FNBP1: variants seen among roughly 807,000 people sequenced by gnomAD.
FNBP1 encodes formin-binding protein 1.
In FNBP1, 26 loss-of-function variants were observed where a neutral mutation model predicts 90.6. That is an observed-to-expected ratio of 0.29 (90% CI 0.21 to 0.40). The LOEUF is 0.40. Ranked by LOEUF, FNBP1 falls within the 10% of genes least tolerant of loss-of-function variation. The probability of loss-of-function intolerance (pLI) is 1.00; values close to 1 mark genes in which losing one functional copy is unlikely to be tolerated. For synonymous variants in FNBP1, 260 were observed against 265.2 expected (o/e 0.98, Z 0.19); for missense variants, 635 against 768.0 (o/e 0.83, Z 2.05).
intron 1 of FNBP1, among the ~76,000 whole-genome samples, chr9:130,033,532 C>T (rs1033447216): frequency 3.9e-5 from 6 of 152,124 alleles, no homozygotes; most frequent in African/African-American, 1.4e-4. Context: ...CCTGAAGACT[C>T]AAAACTTTAA....
intron 16 of FNBP1, among the ~76,000 whole-genome samples, chr9:129,891,764 A>AT (rs201373121): frequency 0.018 from 2,757 of 152,274 alleles, 45 homozygotes; most frequent in Non-Finnish European, 0.027. Flanking sequence ...GGGAGGCAGA[A>AT]TTTTTAAAAA....
rs912869100 is a variant in FNBP1, at chr9:130,031,826, T to C, written c.24+11126A>G. The stretch of plus-strand genomic sequence containing the variant: ...ACAGGCGAGCGCCATCATGCCTGGC[T>C]AAGTTTTTTGTATTTTTAATAGAGA... On this transcript the variant is annotated intron_variant, in intron 1 of 16. Transcript: ENST00000446176. The surrounding 1 kb of genome is among the most constrained non-coding windows in gnomAD (Gnocchi z 4.2). Among the ~76,000 whole-genome samples the C allele has an allele frequency of 3.3e-5, 5 of 152,042 alleles. No individual in the cohort carries two copies. The highest frequency in any genetic ancestry group is 7.4e-5 in the Non-Finnish European group (5 of 67,992).
intron 11 of FNBP1, 120 bp downstream of exon 11, chr9:129,915,846 C>T (rs776852882): frequency 3.0e-5 from 21 of 705,334 alleles, no homozygotes; most frequent in Non-Finnish European, 4.0e-5. Flanking sequence ...CAAAAGCACA[C>T]GTAAGAGAAA....
At chr9:129,964,827 G>A (rs1189539863) in intron 4 of FNBP1, among the ~76,000 whole-genome samples, 1 of 146,830 alleles carries the variant, frequency 6.8e-6, no homozygotes, top group African/African-American at 2.5e-5. Context: ...AGTTAAAAGA[G>A]CAAAATATGG....
intron 6 of FNBP1, among the ~76,000 whole-genome samples, chr9:129,946,148 G>A (rs2045256443): frequency 2.0e-5 from 3 of 151,854 alleles, no homozygotes; most frequent in Non-Finnish European, 2.9e-5. Context: ...CATCCTGAGC[G>A]ACAGACCAAT....
At chr9:129,896,141 C>T (rs1242625074) in intron 15 of FNBP1, 145 bp from the exon 16 acceptor site, 8 of 744,390 alleles carry the variant, frequency 1.1e-5, no homozygotes, top group East Asian at 1.1e-4. Flanking sequence ...ATGCACGGAC[C>T]CCTCACCCAC....
Position 129,900,541 on chromosome 9 carries a change from G to A in FNBP1, c.1435C>T (p.Leu479=). The A allele has an allele frequency of 6.4e-7, 1 of 1,566,282 alleles. No homozygotes were observed. ...RVETQKFEAW[L]AEVEGRLPAR... ...GGGAGCCGGCCTTCAACCTCAGCCAGCCAGGCCTGGAGACAAAAGCAATGA... is the reference window on the plus strand; with the variant it reads ...GGGAGCCGGCCTTCAACCTCAGCCAACCAGGCCTGGAGACAAAAGCAATGA... The change falls in exon 14 of 17, where the codon CTG becomes TTG. Residue 479 remains leucine, a synonymous_variant. Coordinates refer to ENST00000446176, the MANE Select transcript of FNBP1 (RefSeq NM_015033.3). This position sits in a 1 kb window ranked among gnomAD's most constrained non-coding sequence, Gnocchi z 4.1.
chr9:129,986,944 A>G (rs2052372833), intron 2 of FNBP1, among the ~76,000 whole-genome samples: 1 of 152,136 alleles, frequency 6.6e-6, no homozygotes, highest in Non-Finnish European at 1.5e-5. Flanking sequence ...TGAAGCATAG[A>G]ATTTACACAG....
intron 2 of FNBP1, among the ~76,000 whole-genome samples, chr9:129,983,711 T>G (rs1001392965): frequency 6.6e-6 from 1 of 151,740 alleles, no homozygotes; most frequent in Non-Finnish European, 1.5e-5. Context: ...CTTGGGAGGG[T>G]GAGGCAGGAG....
intron 9 of FNBP1, 34 bp downstream of exon 9, chr9:129,924,926 C>T: frequency 6.4e-7 from 1 of 1,559,588 alleles, no homozygotes; most frequent in East Asian, 2.3e-5. Flanking sequence ...ATCTCCACAC[C>T]TTAGAAAACT....
chr9:129,904,242 G>A (rs1306150484), intron 12 of FNBP1, among the ~76,000 whole-genome samples: 1 of 152,174 alleles, frequency 6.6e-6, no homozygotes, highest in East Asian at 1.9e-4. Context: ...ATCCACGACA[G>A]GTAAGTGACA....
chr9:129,945,857 G>A (rs924525118), intron 6 of FNBP1, among the ~76,000 whole-genome samples: 1 of 151,902 alleles, frequency 6.6e-6, no homozygotes, highest in African/African-American at 2.4e-5. Context: ...TTCTATTATA[G>A]AATATATAAC....
At position 129,958,563 on chromosome 9, in the gene FNBP1, G is replaced by T; in HGVS notation, c.346-10C>A. Reference sequence around the variant, plus strand: ...GGCCATCGTGAAAGTTCTGCAAAGGGGAAAACACACTGGTGATTAGTACCC... The same window carrying T: ...GGCCATCGTGAAAGTTCTGCAAAGGTGAAAACACACTGGTGATTAGTACCC... On this transcript the variant is annotated splice_polypyrimidine_tract_variant and intron_variant, in intron 4 of 16. Transcript: ENST00000446176. The T allele has an allele frequency of 6.3e-7, 1 of 1,589,482 alleles. No individual in the cohort carries two copies. Among genetic ancestry groups the T allele is most frequent in the Non-Finnish European group, 8.6e-7 (1 of 1,166,624 alleles).
At chr9:130,038,534 T>C (rs1462330626) in intron 1 of FNBP1, among the ~76,000 whole-genome samples, 9 of 151,412 alleles carry the variant, frequency 5.9e-5, no homozygotes, top group Non-Finnish European at 8.9e-5. Context: ...GTAGCTGGGA[T>C]TACCTGCGTG....
At chr9:129,964,758 T>C (rs921259061) in intron 4 of FNBP1, among the ~76,000 whole-genome samples, 5 of 151,926 alleles carry the variant, frequency 3.3e-5, no homozygotes, top group African/African-American at 1.2e-4. Flanking sequence ...GTATTCACAC[T>C]GCAATTAGGT....
chr9:129,913,415 C>T (rs6478927), intron 11 of FNBP1, among the ~76,000 whole-genome samples: 122,345 of 151,980 alleles, frequency 0.81, 49,562 homozygotes, highest in East Asian at 0.9. Flanking sequence ...GAGGGTCATA[C>T]ACATGTACCT....
intron 2 of FNBP1, among the ~76,000 whole-genome samples, chr9:129,989,408 A>T (rs1048351660): frequency 1.3e-5 from 2 of 152,032 alleles, no homozygotes; most frequent in African/African-American, 4.8e-5. Context: ...GCCGGTGCAA[A>T]CACATAATTC....
chr9:129,927,114 A>T (rs1353563479), intron 8 of FNBP1, 81 bp downstream of exon 8: 2 of 1,417,316 alleles, frequency 1.4e-6, no homozygotes, highest in Non-Finnish European at 2.0e-6. Context: ...AGATGATGAC[A>T]TGAGGTCAAA....
At chr9:130,048,447 G>C in the FNBP1 span, among the ~76,000 whole-genome samples, 1 of 149,182 alleles carries the variant, frequency 6.7e-6, no homozygotes, top group African/African-American at 2.5e-5. Context: ...GACAGCTATA[G>C]AGAGCTTTGG....
Sources: allele counts gnomAD v4.1 joint callset (sites outside exome capture counted in the v4.1 genomes callset), GRCh38; gene constraint gnomAD v4.1.1; non-coding constraint Gnocchi (gnomAD v3.1); transcripts MANE v1.5; gene names NCBI Gene and HGNC (gene_info 2026-07-23, HGNC 2026-07-21).